ZNF616: variants seen among roughly 807,000 people sequenced by gnomAD.
ZNF616 encodes zinc finger protein 616.
In ZNF616, 5 loss-of-function variants were observed where a neutral mutation model predicts 7.6. The observed-to-expected ratio is 0.66, with a 90% CI of 0.34 to 1.38. The LOEUF is 1.38. Among genes scored for constraint, ZNF616 ranks in the 40% most tolerant of loss-of-function variants. ZNF616 has a pLI of 0.04. For missense variants in ZNF616, 913 were observed against 948.3 expected, an observed-to-expected ratio of 0.96 and a Z score of 0.49; for synonymous variants, 319 against 317.2, an observed-to-expected ratio of 1.01 and a Z score of -0.06.
intron 2 of ZNF616, among the ~76,000 whole-genome samples, chr19:52,126,938 G>C (rs1001895685): frequency 6.6e-6 from 1 of 151,802 alleles, no homozygotes; most frequent in Non-Finnish European, 1.5e-5. Flanking sequence ...TTTAATGAAA[G>C]ACATAATAAA....
intron 2 of ZNF616, among the ~76,000 whole-genome samples, chr19:52,125,942 C>T (rs1020451984): frequency 7.2e-5 from 11 of 152,106 alleles, no homozygotes; most frequent in Non-Finnish European, 1.6e-4. Flanking sequence ...AATAGGGGAG[C>T]TTCTGAGTAG....
Position 52,123,875 on chromosome 19 carries a change from A to C in ZNF616, c.139+48T>G, listed in dbSNP as rs1568560383. 1.9e-6 allele frequency: 3 copies of C among 1,611,790 alleles called. No homozygotes were observed. In the South Asian group the frequency reaches 3.3e-5, roughly 18 times the overall value. On this transcript the variant is annotated intron_variant, in intron 3 of 3. Transcript: ENST00000600228. ...CAAGAAAGACAACAGAGGAAATACA[A>C]AAATGCACAAGGGCGAATCTGAACT...
chr19:52,128,897 TCA>T (rs1368275980), intron 2 of ZNF616, among the ~76,000 whole-genome samples: 2 of 151,108 alleles, frequency 1.3e-5, no homozygotes, highest in African/African-American at 4.9e-5. Context: ...ACCCATCATC[TCA>T]CAGTTACTTT....
chr19:52,129,403 G>A (rs1485543359), intron 2 of ZNF616, among the ~76,000 whole-genome samples: 1 of 152,070 alleles, frequency 6.6e-6, no homozygotes, highest in African/African-American at 2.4e-5. Context: ...TACATCATGT[G>A]ATGTTTAAAA....
rs2088790836 is a variant in ZNF616, at chr19:52,113,768, C to T, written c.*1050G>A. 6.6e-6 allele frequency: 1 copy of T among 152,146 alleles called. No homozygotes were observed. The highest frequency in any genetic ancestry group is 1.5e-5 in the Non-Finnish European group (1 of 68,032). 9.4% of individuals were successfully genotyped at this position (152,146 alleles called of 1,614,324 possible). On this transcript the variant is annotated 3_prime_UTR_variant, in exon 4 of 4. Transcript: ENST00000600228. Reference sequence around the variant, plus strand: ...GAGGATAATGGCTTCCAGCTCCATCCACATCGCTGCAATGGACATGATCTC... The same window carrying T: ...GAGGATAATGGCTTCCAGCTCCATCTACATCGCTGCAATGGACATGATCTC...
At chr19:52,126,365 T>C (rs2088907775) in intron 2 of ZNF616, among the ~76,000 whole-genome samples, 1 of 151,954 alleles carries the variant, frequency 6.6e-6, no homozygotes, top group Non-Finnish European at 1.5e-5. Context: ...CCATCTCTAC[T>C]AAAAATACAA....
At chr19:52,117,475 T>G (rs2122143789) in intron 3 of ZNF616, among the ~76,000 whole-genome samples, 1 of 152,250 alleles carries the variant, frequency 6.6e-6, no homozygotes, top group African/African-American at 2.4e-5. Flanking sequence ...ATAAACTAAT[T>G]AATAATCATC....
chr19:52,136,381 T>C (rs1193896476), intron 1 of ZNF616, among the ~76,000 whole-genome samples: 2 of 151,528 alleles, frequency 1.3e-5, no homozygotes, highest in Non-Finnish European at 2.9e-5. Context: ...CTTCGGAGGA[T>C]GAGGTCGCAG....
rs986417209 is a variant in ZNF616, at chr19:52,137,678, A to C, written c.-77+2054T>G. 3.9e-5 allele frequency among the ~76,000 whole-genome samples: 6 copies of C among 152,196 alleles called. 1 individual carries two copies. Among genetic ancestry groups the C allele is most frequent in the African/African-American group, 1.4e-4 (6 of 41,450 alleles). ...CAAATTCTCAGTTATAAAATGAAGAAGTTCTGAGGAATCTAATGTACTTCG... is the reference window on the plus strand; with the variant it reads ...CAAATTCTCAGTTATAAAATGAAGACGTTCTGAGGAATCTAATGTACTTCG... On this transcript the variant is annotated intron_variant, in intron 1 of 3. Transcript: ENST00000600228.
chr19:52,123,778 C>T, intron 3 of ZNF616, 145 bp downstream of exon 3: 1 of 914,102 alleles, frequency 1.1e-6, no homozygotes, highest in South Asian at 1.6e-5. Flanking sequence ...CAGTGAAAGG[C>T]CAGATGCAGC....
At chr19:52,118,920 C>G (rs1424008025) in intron 3 of ZNF616, among the ~76,000 whole-genome samples, 1 of 152,156 alleles carries the variant, frequency 6.6e-6, no homozygotes, top group Admixed American at 6.5e-5. Flanking sequence ...GTAAGATATG[C>G]ACCTACGTTT....
rs2088810141 is a variant in ZNF616, at chr19:52,115,407, T to C, written c.1757A>G (p.Tyr586Cys). 3 of 1,614,138 alleles carry C rather than the reference T, an allele frequency of 1.9e-6. No homozygotes were observed. The highest frequency in any genetic ancestry group is 2.5e-6 in the Non-Finnish European group (3 of 1,180,028). The part of the protein sequence containing the change: ...PYKCNECGKV[Y>C]SQYSHLVGHR... The stretch of plus-strand genomic sequence containing the variant: ...CCCTACAAGATGTGAATACTGACTG[T>C]AGACCTTGCCGCATTCATTGCATTT... The change falls in exon 4 of 4, where the codon TAC (tyrosine) becomes TGC (cysteine). Residue 586 changes from tyrosine to cysteine, a missense_variant. Transcript: ENST00000600228.
chr19:52,137,371 C>T (rs1315254712), intron 1 of ZNF616, among the ~76,000 whole-genome samples: 2 of 151,264 alleles, frequency 1.3e-5, no homozygotes, highest in Non-Finnish European at 3.0e-5. Flanking sequence ...TGCAGTGAGC[C>T]GAGATCACAC....
intron 3 of ZNF616, among the ~76,000 whole-genome samples, chr19:52,120,826 C>T (rs956540341): frequency 6.6e-6 from 1 of 152,018 alleles, no homozygotes; most frequent in African/African-American, 2.4e-5. Context: ...GCAAGAGAAA[C>T]ATAACTAAAG....
intron 3 of ZNF616, among the ~76,000 whole-genome samples, chr19:52,123,246 C>T (rs1361813763): frequency 2.0e-5 from 3 of 152,078 alleles, no homozygotes; most frequent in East Asian, 1.9e-4. Flanking sequence ...ATTAAAGTAG[C>T]GGTCACTTAA....
At chr19:52,133,765 G>A (rs1466242771) in intron 1 of ZNF616, among the ~76,000 whole-genome samples, 17 of 152,076 alleles carry the variant, frequency 1.1e-4, no homozygotes, top group Admixed American at 9.2e-4. Flanking sequence ...CGCCCGCCTC[G>A]GCCTCTCAAA....
chr19:52,114,939 T>C lies in ZNF616; in HGVS notation c.2225A>G (p.Lys742Arg). The change falls in exon 4 of 4, where the codon AAA becomes AGA. Residue 742 changes from lysine to arginine, a missense_variant. Lys to Arg is a conservative substitution (Grantham distance 26). Coordinates refer to ENST00000600228, the MANE Select transcript of ZNF616 (RefSeq NM_178523.5). ...LSKHQRIHSGKKPYKCNECGK... is the reference protein window; with the variant it reads ...LSKHQRIHSGRKPYKCNECGK... Reference sequence around the variant, plus strand: ...ACACTCATTACATTTATAAGGTTTTTTGCCAGAATGAATTCTTTGGTGTTT... The same window carrying C: ...ACACTCATTACATTTATAAGGTTTTCTGCCAGAATGAATTCTTTGGTGTTT... The C allele has an allele frequency of 6.2e-7, 1 of 1,614,192 alleles. No homozygotes were observed. The highest frequency in any genetic ancestry group is 8.5e-7 in the Non-Finnish European group (1 of 1,180,026).
In ZNF616 at chr19:52,136,147, G is replaced by C. The variant is rs28836230; in HGVS notation, c.-77+3585C>G. 2.3e-4 allele frequency among the ~76,000 whole-genome samples: 33 copies of C among 144,578 alleles called. 1 individual carries two copies. Among genetic ancestry groups the C allele is most frequent in the African/African-American group, 6.8e-4 (27 of 39,726 alleles). The allele number at this position is 144,578 out of a possible 152,430, so 94.8% of individuals were successfully genotyped here. A position where few individuals can be genotyped will look rare whatever the true frequency, so the allele number is the denominator to read the frequency against. On this transcript the variant is annotated intron_variant, in intron 1 of 3. Coordinates refer to ENST00000600228, the MANE Select transcript of ZNF616 (RefSeq NM_178523.5). ...TTTGTCTCAAAAAAAAAAAAAGCGG[G>C]GGGGGGACAGGGGGCAAAGGACCTG...
chr19:52,131,209 A>G (rs2122167055), intron 1 of ZNF616, among the ~76,000 whole-genome samples: 1 of 141,814 alleles, frequency 7.1e-6, no homozygotes, highest in African/African-American at 2.6e-5. Context: ...CGGAGGTTGC[A>G]GTGAGCCAAG....
Sources: allele counts gnomAD v4.1 joint callset (sites outside exome capture counted in the v4.1 genomes callset), GRCh38; gene constraint gnomAD v4.1.1; transcripts MANE v1.5; gene names NCBI Gene and HGNC (gene_info 2026-07-23, HGNC 2026-07-21).